SEC16B: variants seen among roughly 807,000 people sequenced by gnomAD.
SEC16B encodes SEC16 homolog B, endoplasmic reticulum export factor.
In SEC16B, 115 loss-of-function variants were observed where a neutral mutation model predicts 141.8. That is an observed-to-expected ratio of 0.81 (90% CI 0.70 to 0.95). The LOEUF (loss-of-function observed/expected upper bound fraction) is 0.95. SEC16B is among the 40% of genes least tolerant of loss of function. SEC16B has a pLI of 0.00. For missense variants in SEC16B, 1,291 were observed against 1,312.3 expected, an observed-to-expected ratio of 0.98 and a Z score of 0.25; for synonymous variants, 493 against 492.5, an observed-to-expected ratio of 1.00 and a Z score of -0.01.
chr1:177,944,271 C>T (rs370403255), intron 15 of SEC16B, among the ~76,000 whole-genome samples: 2 of 152,190 alleles, frequency 1.3e-5, no homozygotes, highest in East Asian at 1.9e-4. Context: ...AAGGAGCTGA[C>T]AGCAGGAGTG....
intron 5 of SEC16B, 64 bp downstream of exon 5, chr1:177,964,107 C>T: frequency 8.1e-7 from 1 of 1,227,152 alleles, no homozygotes; most frequent in Non-Finnish European, 1.2e-6. Context: ...TGTTCTGCCA[C>T]TGCTGACAGT....
chr1:177,942,068 G>C, intron 15 of SEC16B, 28 bp from the exon 16 acceptor site: 1 of 1,597,822 alleles, frequency 6.3e-7, no homozygotes, highest in Non-Finnish European at 8.5e-7. Flanking sequence ...TCAGTGACTA[G>C]TCCATCCAGG....
chr1:177,982,270 G>C (rs1245357916), intron 1 of SEC16B, among the ~76,000 whole-genome samples: 1 of 152,190 alleles, frequency 6.6e-6, no homozygotes, highest in African/African-American at 2.4e-5. Flanking sequence ...TTATAAAATG[G>C]GAGAGACTTA....
chr1:177,959,381 T>C (rs979478755), intron 8 of SEC16B: 5 of 220,864 alleles, frequency 2.3e-5, no homozygotes, highest in African/African-American at 9.2e-5. Context: ...CCTACCTCCA[T>C]ACAAAAAGGA....
Position 177,960,148 on chromosome 1 carries a change from T to C in SEC16B, c.998+194A>G, listed in dbSNP as rs982594473. ...TCATGCTAATTTTTCTTTCTGTCCT[T>C]CAACTATTGAATGGCTTGTCAAAAT... On this transcript the variant is annotated intron_variant, in intron 8 of 25. Coordinates refer to ENST00000308284, the MANE Select transcript of SEC16B (RefSeq NM_033127.4). 1.9e-4 allele frequency: 108 copies of C among 575,152 alleles called. 1 individual carries two copies. Among genetic ancestry groups the C allele is most frequent in the Non-Finnish European group, 4.1e-5 (13 of 317,160 alleles). 35.6% of individuals were successfully genotyped at this position (575,152 alleles called of 1,614,324 possible). A position where few individuals can be genotyped will look rare whatever the true frequency, so the allele number is the denominator to read the frequency against.
At chr1:177,936,479 G>T (rs1366608077) in intron 19 of SEC16B, 114 bp from the exon 20 acceptor site, 1 of 865,468 alleles carries the variant, frequency 1.2e-6, no homozygotes, top group African/African-American at 1.7e-5. Flanking sequence ...GAAGCTCGGA[G>T]CCCATAAGCC....
intron 16 of SEC16B, among the ~76,000 whole-genome samples, chr1:177,941,268 A>G (rs1055951046): frequency 1.3e-5 from 2 of 152,210 alleles, no homozygotes; most frequent in African/African-American, 4.8e-5. Context: ...CAGAAACTTC[A>G]GGGTATGGGG....
Position 177,961,783 on chromosome 1 carries a change from T to C in SEC16B, c.643-49A>G, listed in dbSNP as rs370183441. On this transcript the variant is annotated intron_variant, in intron 5 of 25. Coordinates refer to ENST00000308284, the MANE Select transcript of SEC16B (RefSeq NM_033127.4). ...ACAGGAAGAAGTTTCAGAGAGCTGG[T>C]CTTCTCAAGCGTTCCTTCAAAGAAA... 4.9e-4 allele frequency: 777 copies of C among 1,576,884 alleles called. 1 individual carries two copies. Among genetic ancestry groups the C allele is most frequent in the Non-Finnish European group, 6.4e-4 (739 of 1,153,856 alleles).
chr1:177,970,080 G>T (rs1416115621), upstream of SEC16B: 1 of 152,500 alleles, frequency 6.6e-6, no homozygotes, highest in South Asian at 2.1e-4. Flanking sequence ...GCAAAGTACA[G>T]CCCAGATACC....
At chr1:177,972,780 A>G (rs1038625764), upstream of SEC16B, among the ~76,000 whole-genome samples, 2 of 152,114 alleles carry the variant, frequency 1.3e-5, no homozygotes, top group African/African-American at 2.4e-5. Context: ...CTAACTCCCA[A>G]TGTGATGGTA....
rs753950713 is a variant in SEC16B, at chr1:177,960,351, G to A, written c.989C>T (p.Pro330Leu). The change falls in exon 8 of 26, where the codon CCC (proline) becomes CTC (leucine). Residue 330 changes from proline to leucine, a missense_variant. Physicochemically the swap from Pro to Leu is moderately conservative, Grantham distance 98. Around this residue, in one of 3 missense-constraint regions of SEC16B, gnomAD observed 681 missense variants for 675.5 expected, o/e 1.01. Coordinates refer to ENST00000308284, the MANE Select transcript of SEC16B (RefSeq NM_033127.4). ...TCTTACAGCACTATACCTAATCAAG[G>A]GTCCTGAGAAACTTCTCATCTCCTC... ...EQEEMRSFSG[P>L]LIREDVHKVD... The A allele has an allele frequency of 1.2e-6, 2 of 1,600,102 alleles. No individual in the cohort carries two copies. The highest frequency in any genetic ancestry group is 1.7e-5 in the Admixed American group (1 of 59,470).
At chr1:177,967,630 C>A in intron 2 of SEC16B, 53 bp downstream of exon 2, 1 of 1,451,694 alleles carries the variant, frequency 6.9e-7, no homozygotes, top group East Asian at 2.3e-5. Flanking sequence ...AAAGAACAAC[C>A]TATTCATACG....
chr1:177,953,481 C>T (rs1010557189), intron 11 of SEC16B, among the ~76,000 whole-genome samples: 1 of 152,188 alleles, frequency 6.6e-6, no homozygotes, highest in Non-Finnish European at 1.5e-5. Flanking sequence ...GGTCCCTCAC[C>T]ACCCCCACCA....
rs1255348913 is a variant in SEC16B, at chr1:177,967,854, C to G, written c.128G>C (p.Gly43Ala). ...GTCTTGCCATTGGTGAAACCTCTCT[C>G]CATTGTGCCAAGAGTGAGGGACAGG... ...HRPVPHSWHN[G>A]ERFHQWQDNR... Residue 43 changes from glycine (G) to alanine (A), a missense_variant, in exon 2 of 26, where the codon GGA (glycine) becomes GCA (alanine). Physicochemically the swap from Gly to Ala is moderately conservative, Grantham distance 60. Around this residue, in one of 3 missense-constraint regions of SEC16B, gnomAD observed 681 missense variants for 675.5 expected, o/e 1.01. Coordinates refer to ENST00000308284, the MANE Select transcript of SEC16B (RefSeq NM_033127.4). 1.9e-6 allele frequency: 3 copies of G among 1,613,882 alleles called. No individual in the cohort carries two copies. Among genetic ancestry groups the G allele is most frequent in the East Asian group, 4.5e-5 (2 of 44,886 alleles).
In SEC16B at chr1:177,933,174, C is replaced by T. The variant is rs188321298; in HGVS notation, c.2823+40G>A. ...TGCTGAGGCAGCTCCCTCTGAAAGA[C>T]CCACAGAGAGGGGCATCCTCCCCCT... On this transcript the variant is annotated intron_variant, in intron 22 of 25. Transcript: ENST00000308284. 2,820 of 1,497,958 alleles carry T rather than the reference C, an allele frequency of 1.9e-3. 21 individuals carry two copies. Among genetic ancestry groups the T allele is most frequent in the African/African-American group, 0.014 (1,007 of 71,864 alleles). 92.8% of individuals were successfully genotyped at this position (1,497,958 alleles called of 1,614,324 possible).
chr1:177,943,884 G>A (rs114490041), intron 15 of SEC16B, among the ~76,000 whole-genome samples: 11 of 152,346 alleles, frequency 7.2e-5, no homozygotes, highest in East Asian at 1.9e-4. Context: ...AGTCATACTC[G>A]TAGGTGTGGC....
Position 177,946,425 on chromosome 1 carries a change from G to A in SEC16B, c.1770C>T (p.Ser590=). The A allele has an allele frequency of 1.9e-6, 3 of 1,563,934 alleles. No individual in the cohort carries two copies. The highest frequency in any genetic ancestry group is 2.6e-6 in the Non-Finnish European group (3 of 1,153,832). Reference sequence around the variant, plus strand: ...CTTTCTCCCAGGTCGCATACCTGTGGCTGCTGCCCAGCAAGACCAGATGGT... The same window carrying A: ...CTTTCTCCCAGGTCGCATACCTGTGACTGCTGCCCAGCAAGACCAGATGGT... The part of the protein sequence containing the change: ...KTDHLVLLGS[S]HSQEFLKFAT... The change falls in exon 14 of 26, where the codon AGC becomes AGT. Residue 590 remains serine (S), a synonymous_variant. Transcript: ENST00000308284.
intron 17 of SEC16B, among the ~76,000 whole-genome samples, chr1:177,940,111 A>G (rs1227733864): frequency 6.6e-6 from 1 of 152,224 alleles, no homozygotes; most frequent in Admixed American, 6.5e-5. Context: ...TCTTTTCTTC[A>G]GAGCAGAATG....
At chr1:177,946,379 G>T in intron 14 of SEC16B, 41 bp downstream of exon 14, 2 of 1,415,686 alleles carry the variant, frequency 1.4e-6, no homozygotes, top group Non-Finnish European at 9.8e-7. Context: ...ACAGTCCCTT[G>T]GAAAATGTCC....
Sources: gnomAD v4.1 joint callset for allele counts (sites outside exome capture counted in the v4.1 genomes callset) on GRCh38, gnomAD v4.1.1 for gene constraint, gnomAD v4.1.1 regional missense constraint, MANE v1.5 for transcripts, NCBI Gene and HGNC (gene_info 2026-07-23, HGNC 2026-07-21) for gene names.